Variants in GLB1L3 observed in about 807,000 individuals in gnomAD.
The protein encoded by GLB1L3 is galactosidase beta 1 like 3.
In GLB1L3, 89 loss-of-function variants were observed where a neutral mutation model predicts 89.5. The ratio of observed to expected loss-of-function variants is 0.99; its 90% CI spans 0.84 to 1.19. The LOEUF (loss-of-function observed/expected upper bound fraction) is 1.19, where lower values mean the gene tolerates loss of function less well. GLB1L3 is among the 50% of genes most tolerant of loss of function. The pLI, the probability that GLB1L3 is intolerant of heterozygous loss-of-function variation, is 0.00. For synonymous variants in GLB1L3, 314 were observed against 312.3 expected, an observed-to-expected ratio of 1.01 and a Z score of -0.06; for missense variants, 812 against 813.3, an observed-to-expected ratio of 1.00 and a Z score of 0.02.
chr11:134,314,002 G>A lies in GLB1L3; in HGVS notation c.1641G>A (p.Leu547=), dbSNP rs770246489. The change falls in exon 17 of 20, where the codon CTG becomes CTA. Residue 547 remains leucine (L), a synonymous_variant. Coordinates refer to ENST00000431683, the MANE Select transcript of GLB1L3 (RefSeq NM_001080407.3). The part of the protein sequence containing the change: ...SSLEGFTIYS[L]EMKMSFFERL... ...TGGAGGGCTTTACCATCTATTCCCT[G>A]GAGATGAAAATGAGCTTCTTTGAGA... The A allele has an allele frequency of 1.2e-6, 2 of 1,612,238 alleles. No individual in the cohort carries two copies. The highest frequency in any genetic ancestry group is 1.3e-5 in the African/African-American group (1 of 75,006).
Position 134,276,662 on chromosome 11 carries a change from C to A in GLB1L3, c.-79C>A. On this transcript the variant is annotated 5_prime_UTR_variant, in exon 1 of 20. Transcript: ENST00000431683. ...TGCCCCGCGGAACCGGGGCTCGAGT[C>A]CCGGCCCGAGCGCGGCGTCGGGGCC... 7.8e-7 allele frequency: 1 copy of A among 1,290,316 alleles called. No homozygotes were observed. The highest frequency in any genetic ancestry group is 1.0e-6 in the Non-Finnish European group (1 of 999,010). 79.9% of individuals were successfully genotyped at this position (1,290,316 alleles called of 1,614,324 possible). A position where few individuals can be genotyped will look rare whatever the true frequency, so the allele number is the denominator to read the frequency against.
chr11:134,302,819 T>C (rs1293398076), intron 9 of GLB1L3, among the ~76,000 whole-genome samples: 1 of 152,214 alleles, frequency 6.6e-6, no homozygotes, highest in Non-Finnish European at 1.5e-5. Context: ...GGTGCAGTAT[T>C]CTGTTTAAGT....
At chr11:134,319,971 T>C (rs1393104996), downstream of GLB1L3, among the ~76,000 whole-genome samples, 9 of 152,222 alleles carry the variant, frequency 5.9e-5, no homozygotes, top group East Asian at 1.7e-3. Flanking sequence ...TATCTGGCTA[T>C]AGTCAAGGCT....
At chr11:134,315,377 G>A (rs948726041) in intron 18 of GLB1L3, among the ~76,000 whole-genome samples, 1 of 152,130 alleles carries the variant, frequency 6.6e-6, no homozygotes, top group Non-Finnish European at 1.5e-5. Context: ...TTAGGAAGGC[G>A]AATTTGTGTA....
At chr11:134,312,129 A>T in intron 13 of GLB1L3, 1 of 552,068 alleles carries the variant, frequency 1.8e-6, no homozygotes. Context: ...TTAGGATTAT[A>T]ACGATTGCTC....
chr11:134,282,902 C>T (rs1940776715), intron 5 of GLB1L3, among the ~76,000 whole-genome samples: 1 of 152,214 alleles, frequency 6.6e-6, no homozygotes, highest in South Asian at 2.1e-4. Flanking sequence ...TTTCGGGAAG[C>T]AGTGACTCCC....
intron 6 of GLB1L3, among the ~76,000 whole-genome samples, chr11:134,286,638 G>A (rs1299191813): frequency 2.0e-5 from 3 of 151,702 alleles, no homozygotes; most frequent in Non-Finnish European, 4.4e-5. Context: ...TTAGCCGGGC[G>A]TGGTGGCGGG....
chr11:134,277,979 G>A, intron 3 of GLB1L3, 67 bp downstream of exon 3: 1 of 1,535,106 alleles, frequency 6.5e-7, no homozygotes, highest in Non-Finnish European at 8.9e-7. Flanking sequence ...GGGAACCTGA[G>A]CCTCCGATTT....
At chr11:134,294,387 G>C (rs1941523432) in intron 9 of GLB1L3, among the ~76,000 whole-genome samples, 1 of 152,182 alleles carries the variant, frequency 6.6e-6, no homozygotes, top group African/African-American at 2.4e-5. Context: ...TTTCTATACA[G>C]TTTCCAACTC....
intron 10 of GLB1L3, among the ~76,000 whole-genome samples, 198 bp downstream of exon 10, chr11:134,307,406 TA>T (rs2136195268): frequency 6.6e-6 from 1 of 152,286 alleles, no homozygotes; most frequent in East Asian, 1.9e-4. Flanking sequence ...CAACAGAGTA[TA>T]AGTTAGTGAG....
In GLB1L3 at chr11:134,313,570, G is replaced by A. The variant is rs78332159; in HGVS notation, c.1579+96G>A. ...GCGGGAGAGGGTGGGGAAACCAGCC[G>A]CTCAGCAGTGGGCTACCCAGGCCCT... On this transcript the variant is annotated intron_variant, in intron 16 of 19. Transcript: ENST00000431683. 8.7e-5 allele frequency: 91 copies of A among 1,046,876 alleles called. 2 individuals are homozygous for A. Among genetic ancestry groups the A allele is most frequent in the Middle Eastern group, 4.6e-4 (2 of 4,302 alleles). 64.8% of individuals were successfully genotyped at this position (1,046,876 alleles called of 1,614,324 possible).
chr11:134,318,414 C>T (rs1943070238), intron 18 of GLB1L3, among the ~76,000 whole-genome samples: 1 of 152,162 alleles, frequency 6.6e-6, no homozygotes, highest in South Asian at 2.1e-4. Flanking sequence ...ATAACAGGAA[C>T]AATAGCAGCC....
chr11:134,301,360 AGTT>A (rs1489234881), intron 9 of GLB1L3, among the ~76,000 whole-genome samples: 4 of 152,260 alleles, frequency 2.6e-5, no homozygotes, highest in South Asian at 2.1e-4. Flanking sequence ...GAGTAAATGT[AGTT>A]GTTACAGTTT....
At chr11:134,286,306 C>T (rs1940979858) in intron 6 of GLB1L3, among the ~76,000 whole-genome samples, 1 of 152,198 alleles carries the variant, frequency 6.6e-6, no homozygotes, top group Admixed American at 6.5e-5. Flanking sequence ...TGCTGCAATA[C>T]AGTTTTGAGA....
chr11:134,311,400 C>G, intron 13 of GLB1L3: 1 of 514,480 alleles, frequency 1.9e-6, no homozygotes, highest in Non-Finnish European at 3.5e-6. Context: ...ATCCCGGGTT[C>G]CCGCTTAGAT....
Position 134,314,362 on chromosome 11 carries a change from A to G in GLB1L3, c.1700A>G (p.Asp567Gly), listed in dbSNP as rs1421704761. 3 of 1,551,208 alleles carry G rather than the reference A, an allele frequency of 1.9e-6. No individual in the cohort carries two copies. The highest frequency in any genetic ancestry group is 1.4e-5 in the African/African-American group (1 of 73,118). Reference sequence around the variant, plus strand: ...TCTGCCACCTGGAAGCCTGTCCCAGACAGCCACCAGGGCCCGGCCTTCTAC... The same window carrying G: ...TCTGCCACCTGGAAGCCTGTCCCAGGCAGCCACCAGGGCCCGGCCTTCTAC... ...LRSATWKPVP[D>G]SHQGPAFYCG... Residue 567 changes from aspartate to glycine, a missense_variant, in exon 18 of 20, where the codon GAC (aspartate) becomes GGC (glycine). Physicochemically the swap from Asp to Gly is moderately conservative, Grantham distance 94. Around this residue, in one of 3 missense-constraint regions of GLB1L3, gnomAD observed 618 missense variants for 604.0 expected, o/e 1.02. Transcript: ENST00000431683.
At chr11:134,284,714 G>A (rs565150303) in intron 6 of GLB1L3, among the ~76,000 whole-genome samples, 120 of 152,120 alleles carry the variant, frequency 7.9e-4, no homozygotes, top group African/African-American at 2.7e-3. Flanking sequence ...GGGCAACAGA[G>A]TGACACTCTG....
chr11:134,319,201 T>C lies in GLB1L3; in HGVS notation c.*259T>C, dbSNP rs1420404311. 1 of 386,830 alleles carries C rather than the reference T, an allele frequency of 2.6e-6. No homozygotes were observed. Among genetic ancestry groups the C allele is most frequent in the African/African-American group, 2.1e-5 (1 of 48,422 alleles). The allele number at this position is 386,830 out of a possible 1,614,324, so 24.0% of individuals were successfully genotyped here. A position where few individuals can be genotyped will look rare whatever the true frequency, so the allele number is the denominator to read the frequency against. On this transcript the variant is annotated 3_prime_UTR_variant, in exon 20 of 20. Coordinates refer to ENST00000431683, the MANE Select transcript of GLB1L3 (RefSeq NM_001080407.3). ...AATCTCCTGACCTTGTGATCTGCTCTCCTCAGCCTCCCAAAGTACTGGGAT... is the reference window on the plus strand; with the variant it reads ...AATCTCCTGACCTTGTGATCTGCTCCCCTCAGCCTCCCAAAGTACTGGGAT...
Position 134,305,246 on chromosome 11 carries a change from T to G in GLB1L3, c.877-1878T>G. ...TTCTGATGCACTGAATTATGTAAAG[T>G]GCATTCCCTTCACCAGCTTGTGCAC... On this transcript the variant is annotated intron_variant, in intron 9 of 19. Transcript: ENST00000431683. 12 of 748,328 alleles carry G rather than the reference T, an allele frequency of 1.6e-5. No homozygotes were observed. The South Asian group carries it at 1.8e-4, about 11-fold the overall frequency. The allele number at this position is 748,328 out of a possible 1,614,324, so 46.4% of individuals were successfully genotyped here. A position where few individuals can be genotyped will look rare whatever the true frequency, so the allele number is the denominator to read the frequency against.
Sources: gnomAD v4.1 joint callset for allele counts (sites outside exome capture counted in the v4.1 genomes callset) on GRCh38, gnomAD v4.1.1 for gene constraint, gnomAD v4.1.1 regional missense constraint, MANE v1.5 for transcripts, NCBI Gene and HGNC (gene_info 2026-07-23, HGNC 2026-07-21) for gene names.